The following DCDC2 variants were observed in gnomAD, a reference collection of about 807,000 sequenced individuals.
The protein encoded by DCDC2 is doublecortin domain-containing protein 2.
DCDC2 carries 40 observed loss-of-function variants against 50.2 expected under a neutral mutation model. The observed-to-expected ratio is 0.80, with a 90% CI of 0.62 to 1.04. DCDC2 has a LOEUF of 1.04. Among genes scored for constraint, DCDC2 ranks in the 50% least tolerant of loss-of-function variants. DCDC2 has a pLI of 0.00. For missense variants in DCDC2, 570 were observed against 581.9 expected (o/e 0.98, Z 0.21); for synonymous variants, 234 against 210.6 (o/e 1.11, Z -0.96).
intron 2 of DCDC2, among the ~76,000 whole-genome samples, chr6:24,305,480 CA>C (rs1438440663): frequency 6.6e-6 from 1 of 152,002 alleles, no homozygotes; most frequent in Non-Finnish European, 1.5e-5. Context: ...TTTTTAAAAA[CA>C]ATACCAGTTT....
Position 24,292,245 on chromosome 6 carries a change from TAAGC to T in DCDC2, c.558-1171_558-1168del, listed in dbSNP as rs199876376. 6.3e-3 allele frequency among the ~76,000 whole-genome samples: 959 copies of T among 152,240 alleles called. 6 individuals are homozygous for T. Among genetic ancestry groups the T allele is most frequent in the African/African-American group, 0.021 (884 of 41,558 alleles). ...AGACAGTGCATATTTTTTAAGGTTATAAGCAAGAGCTATTAATAAATGGAAGGAT... is the reference window on the plus strand; with the variant it reads ...AGACAGTGCATATTTTTTAAGGTTATAAGAGCTATTAATAAATGGAAGGAT... On this transcript the variant is annotated intron_variant, in intron 4 of 9. Transcript: ENST00000378454.
intron 8 of DCDC2, among the ~76,000 whole-genome samples, chr6:24,197,353 G>C (rs1424768992): frequency 6.6e-6 from 1 of 152,302 alleles, no homozygotes; most frequent in Non-Finnish European, 1.5e-5. Context: ...GATTAACAGA[G>C]AGATTTCTCC....
intron 2 of DCDC2, among the ~76,000 whole-genome samples, chr6:24,321,242 A>AAC (rs56115604): frequency 0.8 from 121,865 of 151,900 alleles, 49,198 homozygotes; most frequent in Non-Finnish European, 0.84. Context: ...ACACAATAGT[A>AAC]AGTTACTACA....
At chr6:24,251,829 T>C (rs549217628) in intron 7 of DCDC2, among the ~76,000 whole-genome samples, 1 of 152,356 alleles carries the variant, frequency 6.6e-6, no homozygotes, top group East Asian at 1.9e-4. Flanking sequence ...AGGATTTTAC[T>C]GGACTCTTTC....
At chr6:24,272,712 C>A (rs1287101407) in intron 7 of DCDC2, among the ~76,000 whole-genome samples, 2 of 152,140 alleles carry the variant, frequency 1.3e-5, no homozygotes, top group African/African-American at 4.8e-5. Flanking sequence ...AGTCAAAAAA[C>A]AACAGATGTT....
At chr6:24,366,114 A>G in the DCDC2 span, among the ~76,000 whole-genome samples, 1 of 152,174 alleles carries the variant, frequency 6.6e-6, no homozygotes, top group African/African-American at 2.4e-5. Flanking sequence ...CACTTCTCCC[A>G]GCCAGAAGTA....
chr6:24,190,658 C>T (rs1215710433), intron 8 of DCDC2, among the ~76,000 whole-genome samples: 2 of 152,132 alleles, frequency 1.3e-5, no homozygotes, highest in Non-Finnish European at 2.9e-5. Context: ...CCATTTCTAT[C>T]ATTTAAATAC....
At chr6:24,316,273 AAG>A (rs1399410584) in intron 2 of DCDC2, among the ~76,000 whole-genome samples, 1 of 152,182 alleles carries the variant, frequency 6.6e-6, no homozygotes, top group Non-Finnish European at 1.5e-5. Flanking sequence ...TTCAGCAACG[AAG>A]AGAGTAGAAA....
At chr6:24,325,997 TA>T (rs1759851782) in intron 2 of DCDC2, among the ~76,000 whole-genome samples, 1 of 149,244 alleles carries the variant, frequency 6.7e-6, no homozygotes, top group African/African-American at 2.4e-5. Context: ...CAAACTACTG[TA>T]ATTTTTCTTT....
chr6:24,201,676 G>C (rs1761590233), intron 8 of DCDC2, among the ~76,000 whole-genome samples: 1 of 152,110 alleles, frequency 6.6e-6, no homozygotes, highest in Admixed American at 6.5e-5. Flanking sequence ...AGTAGATAGA[G>C]ACACGAAAAA....
intron 4 of DCDC2, among the ~76,000 whole-genome samples, chr6:24,292,170 A>G (rs2113831583): frequency 6.6e-6 from 1 of 152,360 alleles, no homozygotes; most frequent in South Asian, 2.1e-4. Context: ...AATGTCCACA[A>G]AAATTTTTTT....
At chr6:24,239,602 C>G (rs913104794) in intron 7 of DCDC2, among the ~76,000 whole-genome samples, 4 of 152,158 alleles carry the variant, frequency 2.6e-5, no homozygotes, top group Non-Finnish European at 5.9e-5. Flanking sequence ...CTGGATCAGT[C>G]AGAATCCTTT....
At chr6:24,359,444 A>T (rs553390734), upstream of DCDC2, among the ~76,000 whole-genome samples, 1 of 67,986 alleles carries the variant, frequency 1.5e-5, no homozygotes. Context: ...TATACTATAT[A>T]GTATATATAT....
At chr6:24,302,267 C>T (rs148121615) in intron 2 of DCDC2, among the ~76,000 whole-genome samples, 68 of 147,776 alleles carry the variant, frequency 4.6e-4, no homozygotes, top group African/African-American at 1.7e-3. Flanking sequence ...TTCCCTTAAG[C>T]CCTAGGCACA....
chr6:24,172,643 A>C lies in DCDC2; in HGVS notation c.*2087T>G, dbSNP rs1437470785. 2 of 152,166 alleles carry C rather than the reference A, an allele frequency of 1.3e-5. No individual in the cohort carries two copies. Among genetic ancestry groups the C allele is most frequent in the African/African-American group, 4.8e-5 (2 of 41,448 alleles). 9.4% of individuals were successfully genotyped at this position (152,166 alleles called of 1,614,324 possible). On this transcript the variant is annotated 3_prime_UTR_variant, in exon 10 of 10. Coordinates refer to ENST00000378454, the MANE Select transcript of DCDC2 (RefSeq NM_016356.5). Reference sequence around the variant, plus strand: ...CTTACATTTAATCAGTTATTTTTAGAAACTATTTGAAATCATTAACTCCAG... The same window carrying C: ...CTTACATTTAATCAGTTATTTTTAGCAACTATTTGAAATCATTAACTCCAG...
At chr6:24,241,804 T>C (rs769367542) in intron 7 of DCDC2, among the ~76,000 whole-genome samples, 22 of 152,226 alleles carry the variant, frequency 1.4e-4, no homozygotes, top group Non-Finnish European at 2.8e-4. Context: ...CTAAAGACAG[T>C]AGAATATATG....
chr6:24,298,157 C>T (rs1332181967), intron 4 of DCDC2, among the ~76,000 whole-genome samples: 1 of 152,224 alleles, frequency 6.6e-6, no homozygotes, highest in Non-Finnish European at 1.5e-5. Flanking sequence ...AACCTAGATA[C>T]CTCGCATGCA....
At chr6:24,198,166 C>T (rs1364078016) in intron 8 of DCDC2, among the ~76,000 whole-genome samples, 6 of 152,164 alleles carry the variant, frequency 3.9e-5, no homozygotes, top group African/African-American at 1.4e-4. Context: ...ATCTCAAGGA[C>T]CCTAAAGGCA....
rs1760513882 is a variant in DCDC2 at position 24,357,998 on chromosome 6, C to T, written c.-248G>A. 3 of 1,364,218 alleles carry T rather than the reference C, an allele frequency of 2.2e-6. No individual in the cohort carries two copies. The highest frequency in any genetic ancestry group is 2.9e-6 in the Non-Finnish European group (3 of 1,020,670). 84.5% of individuals were successfully genotyped at this position (1,364,218 alleles called of 1,614,324 possible). A position where few individuals can be genotyped will look rare whatever the true frequency, so the allele number is the denominator to read the frequency against. On this transcript the variant is annotated 5_prime_UTR_variant, in exon 1 of 10. Coordinates refer to ENST00000378454, the MANE Select transcript of DCDC2 (RefSeq NM_016356.5). ...CGTGGCGTGCACAGCCAATCAGGAC[C>T]CGCAGTGCGCGCACCACACCAGGTT...
Sources: gnomAD v4.1 joint callset for allele counts (sites outside exome capture counted in the v4.1 genomes callset) on GRCh38, gnomAD v4.1.1 for gene constraint, MANE v1.5 for transcripts, NCBI Gene and HGNC (gene_info 2026-07-23, HGNC 2026-07-21) for gene names.